UGT1A8: variants seen among roughly 807,000 people sequenced by gnomAD.
UGT1A8 encodes the protein UDP-glucuronosyltransferase 1A8.
UGT1A8 carries 39 observed loss-of-function variants against 45.3 expected under a neutral mutation model. The observed-to-expected ratio is 0.86, with a 90% CI of 0.67 to 1.12. The LOEUF (loss-of-function observed/expected upper bound fraction) is 1.12. UGT1A8 is among the 50% of genes most tolerant of loss of function. The probability of loss-of-function intolerance (pLI) is 0.00; values close to 1 mark genes in which losing one functional copy is unlikely to be tolerated. For missense variants in UGT1A8, 719 were observed against 664.9 expected, an observed-to-expected ratio of 1.08 and a Z score of -0.90; for synonymous variants, 275 against 249.2, an observed-to-expected ratio of 1.10 and a Z score of -0.97.
intron 1 of UGT1A8, among the ~76,000 whole-genome samples, chr2:233,738,129 C>A (rs546300449): frequency 1.3e-3 from 203 of 152,182 alleles, no homozygotes; most frequent in African/African-American, 4.7e-3. Flanking sequence ...TATAAGGGGC[C>A]CTTATCCCTT....
intron 1 of UGT1A8, among the ~76,000 whole-genome samples, chr2:233,661,077 T>A (rs938731215): frequency 7.9e-5 from 12 of 152,144 alleles, no homozygotes; most frequent in African/African-American, 2.9e-4. Context: ...AAAAGCTGCA[T>A]TTTTTATAAT....
chr2:233,681,742 A>G, intron 1 of UGT1A8: 1 of 791,060 alleles, frequency 1.3e-6, no homozygotes, highest in Non-Finnish European at 1.5e-6. Context: ...TCTTGAAAAC[A>G]TATAAGCAGG....
At chr2:233,681,359 C>A (rs2074519870) in intron 1 of UGT1A8, among the ~76,000 whole-genome samples, 2 of 151,692 alleles carry the variant, frequency 1.3e-5, no homozygotes, top group African/African-American at 2.4e-5. Context: ...CATGGTGAAA[C>A]CCCGTCTCCA....
intron 1 of UGT1A8, chr2:233,712,843 G>C (rs556220136): frequency 1.1e-5 from 16 of 1,515,268 alleles, no homozygotes; most frequent in Admixed American, 7.8e-5. Flanking sequence ...ATAGATTAAC[G>C]GGTAATAAGT....
intron 1 of UGT1A8, among the ~76,000 whole-genome samples, chr2:233,687,061 C>G (rs2074821200): frequency 6.6e-6 from 1 of 152,144 alleles, no homozygotes; most frequent in Non-Finnish European, 1.5e-5. Flanking sequence ...CTGGAGTCCT[C>G]CAAGCCTGAT....
Position 233,768,428 on chromosome 2 carries a change from C to T in UGT1A8, c.1284C>T (p.Ile428=), listed in dbSNP as rs1559415864. The T allele has an allele frequency of 6.2e-7, 1 of 1,613,856 alleles. No homozygotes were observed. Among genetic ancestry groups the T allele is most frequent in the Non-Finnish European group, 8.5e-7 (1 of 1,179,916 alleles). ...TAGAAAATGCTCTAAAAGCAGTCATCAATGACAAAAGGTAAGAAAGAAGAT... is the reference window on the plus strand; with the variant it reads ...TAGAAAATGCTCTAAAAGCAGTCATTAATGACAAAAGGTAAGAAAGAAGAT... ...EDLENALKAV[I]NDKSYKENIM... is the part of the protein sequence containing the mutation. The change falls in exon 4 of 5, where the codon ATC becomes ATT. Residue 428 remains isoleucine, a synonymous_variant. Coordinates refer to ENST00000373450, the MANE Select transcript of UGT1A8 (RefSeq NM_019076.5).
chr2:233,686,945 C>T (rs1438095246), intron 1 of UGT1A8, among the ~76,000 whole-genome samples: 1 of 152,326 alleles, frequency 6.6e-6, no homozygotes, highest in African/African-American at 2.4e-5. Flanking sequence ...TGCAGGGAAG[C>T]TGTCAGTAAT....
intron 1 of UGT1A8, among the ~76,000 whole-genome samples, chr2:233,650,131 C>T (rs1452187364): frequency 6.6e-6 from 1 of 152,102 alleles, no homozygotes; most frequent in Non-Finnish European, 1.5e-5. Context: ...CCACCACACC[C>T]AGCTAATTTT....
chr2:233,664,559 C>T (rs889959899), intron 1 of UGT1A8, among the ~76,000 whole-genome samples: 2 of 152,166 alleles, frequency 1.3e-5, no homozygotes, highest in Admixed American at 1.3e-4. Context: ...AGTGTTTACT[C>T]ATGGTAGAAG....
At chr2:233,640,028 G>T (rs1490323513) in intron 1 of UGT1A8, among the ~76,000 whole-genome samples, 2 of 152,200 alleles carry the variant, frequency 1.3e-5, no homozygotes, top group Non-Finnish European at 2.9e-5. Flanking sequence ...GGTAGGTGCA[G>T]CTCTGCAGAC....
intron 1 of UGT1A8, chr2:233,756,296 T>C (rs1295271846): frequency 6.6e-6 from 1 of 152,242 alleles, no homozygotes; most frequent in Non-Finnish European, 1.5e-5. Flanking sequence ...ACAGTATTTG[T>C]ATATAACCTA....
At chr2:233,686,774 T>C (rs1410768697) in intron 1 of UGT1A8, among the ~76,000 whole-genome samples, 1 of 152,160 alleles carries the variant, frequency 6.6e-6, no homozygotes, top group Non-Finnish European at 1.5e-5. Context: ...TATGCAACAC[T>C]CCAACTCTCC....
intron 1 of UGT1A8, among the ~76,000 whole-genome samples, chr2:233,635,507 G>A (rs1173213354): frequency 6.6e-6 from 1 of 150,852 alleles, no homozygotes; most frequent in Admixed American, 6.7e-5. Flanking sequence ...GGAGGGCAGT[G>A]CCAAGCCATT....
intron 1 of UGT1A8, among the ~76,000 whole-genome samples, chr2:233,700,067 T>C (rs1334883521): frequency 6.6e-6 from 1 of 152,186 alleles, no homozygotes; most frequent in Non-Finnish European, 1.5e-5. Flanking sequence ...CAGTGGTGTC[T>C]ACCCAGCAAG....
chr2:233,644,286 T>A (rs1443821032), intron 1 of UGT1A8, among the ~76,000 whole-genome samples: 2 of 152,194 alleles, frequency 1.3e-5, no homozygotes, highest in Admixed American at 1.3e-4. Context: ...GCTCCCTCAA[T>A]GCTGGGCACG....
chr2:233,693,106 G>A, intron 1 of UGT1A8: 1 of 1,614,158 alleles, frequency 6.2e-7, no homozygotes, highest in Non-Finnish European at 8.5e-7. Context: ...TGGTCCCTCA[G>A]GACGGAAGCC....
At chr2:233,656,365 G>C (rs2073853131) in intron 1 of UGT1A8, among the ~76,000 whole-genome samples, 1 of 152,212 alleles carries the variant, frequency 6.6e-6, no homozygotes, top group Non-Finnish European at 1.5e-5. Context: ...GAAAGTTACT[G>C]AAATCAGCCT....
chr2:233,733,760 A>C (rs2078435116), intron 1 of UGT1A8, among the ~76,000 whole-genome samples: 1 of 152,132 alleles, frequency 6.6e-6, no homozygotes, highest in Non-Finnish European at 1.5e-5. Flanking sequence ...ATTTGTCTAA[A>C]ATTTTCTTTT....
chr2:233,730,559 G>A (rs1203367462), intron 1 of UGT1A8, among the ~76,000 whole-genome samples: 1 of 152,170 alleles, frequency 6.6e-6, no homozygotes, highest in Non-Finnish European at 1.5e-5. Context: ...ATTAGAGAAT[G>A]ACACACGAAG....
Sources: allele counts gnomAD v4.1 joint callset (sites outside exome capture counted in the v4.1 genomes callset), GRCh38; gene constraint gnomAD v4.1.1; transcripts MANE v1.5; gene names NCBI Gene and HGNC (gene_info 2026-07-23, HGNC 2026-07-21).